The following MLXIP variants were observed in gnomAD, a reference collection of about 807,000 sequenced individuals.
The protein encoded by MLXIP is MLX interacting protein, also known as MLX-interacting protein.
MLXIP carries 30 observed loss-of-function variants against 87.2 expected under a neutral mutation model. The observed-to-expected ratio is 0.34, with a 90% CI of 0.26 to 0.47. The LOEUF (loss-of-function observed/expected upper bound fraction) is 0.47. MLXIP is among the 20% of genes least tolerant of loss of function. The pLI is 1.00. For missense variants in MLXIP, 1,002 were observed against 1,240.1 expected (o/e 0.81, Z 2.88); for synonymous variants, 530 against 514.0 (o/e 1.03, Z -0.42).
At chr12:122,082,477 T>C (rs887562202) in intron 1 of MLXIP, among the ~76,000 whole-genome samples, 16 of 152,160 alleles carry the variant, frequency 1.1e-4, no homozygotes, top group African/African-American at 3.9e-4. Context: ...CCTCTGGGAA[T>C]GGAGCTGGGA....
chr12:122,128,064 C>A, intron 3 of MLXIP, 96 bp downstream of exon 3: 2 of 1,112,090 alleles, frequency 1.8e-6, no homozygotes, highest in Non-Finnish European at 2.7e-6. Flanking sequence ...GAGAGGCTGC[C>A]GAGGGTAGTG....
chr12:122,083,314 T>G (rs1952118527), intron 1 of MLXIP, among the ~76,000 whole-genome samples: 1 of 152,184 alleles, frequency 6.6e-6, no homozygotes, highest in South Asian at 2.1e-4. Flanking sequence ...GTTTAAGAAG[T>G]GGGTGTTTGG....
intron 1 of MLXIP, among the ~76,000 whole-genome samples, chr12:122,098,366 C>T (rs898453651): frequency 3.9e-5 from 6 of 152,202 alleles, no homozygotes; most frequent in African/African-American, 1.4e-4. Context: ...CCCCGCTGAG[C>T]AACTCAGATT....
In MLXIP at chr12:122,135,105, G is replaced by A; in HGVS notation, c.1733-119G>A. On this transcript the variant is annotated intron_variant, in intron 9 of 16. Coordinates refer to ENST00000319080, the MANE Select transcript of MLXIP (RefSeq NM_014938.6). The surrounding 1 kb of genome is among the most constrained non-coding windows in gnomAD (Gnocchi z 5.3). ...TGGTTTTAGGTGCCTTGGTGGCTTT[G>A]TCTTCCTGTCCCCTGGGGTTGAGAA... The A allele has an allele frequency of 7.6e-7, 1 of 1,315,002 alleles. No homozygotes were observed. Among genetic ancestry groups the A allele is most frequent in the Non-Finnish European group, 1.1e-6 (1 of 937,848 alleles). 81.5% of individuals were successfully genotyped at this position (1,315,002 alleles called of 1,614,324 possible). A position where few individuals can be genotyped will look rare whatever the true frequency, so the allele number is the denominator to read the frequency against.
Position 122,135,745 on chromosome 12 carries a change from G to C in MLXIP, c.2032+79G>C. The C allele has an allele frequency of 3.5e-6, 5 of 1,418,992 alleles. No homozygotes were observed. Among genetic ancestry groups the C allele is most frequent in the African/African-American group, 1.4e-5 (1 of 69,214 alleles). The allele number at this position is 1,418,992 out of a possible 1,614,324, so 87.9% of individuals were successfully genotyped here. ...CTGCCGTAGACCATGGGGGGTGCTT[G>C]CTGGGTCCCCAGGACGGAGCCTGGG... On this transcript the variant is annotated intron_variant, in intron 11 of 16. Coordinates refer to ENST00000319080, the MANE Select transcript of MLXIP (RefSeq NM_014938.6). The surrounding 1 kb of genome is among the most constrained non-coding windows in gnomAD (Gnocchi z 5.3).
At chr12:122,089,868 T>C (rs1177095577) in intron 1 of MLXIP, among the ~76,000 whole-genome samples, 1 of 152,232 alleles carries the variant, frequency 6.6e-6, no homozygotes, top group Non-Finnish European at 1.5e-5. Flanking sequence ...AAGGCTCTTA[T>C]AGAATCAGCT....
intron 15 of MLXIP, among the ~76,000 whole-genome samples, chr12:122,139,406 C>T (rs1302092384): frequency 1.3e-5 from 2 of 152,216 alleles, no homozygotes; most frequent in African/African-American, 4.8e-5. Flanking sequence ...TCTAGGGGCT[C>T]TCGTGCCAAG....
chr12:122,097,497 G>A (rs1952372111), intron 1 of MLXIP, among the ~76,000 whole-genome samples: 1 of 151,914 alleles, frequency 6.6e-6, no homozygotes, highest in Non-Finnish European at 1.5e-5. Flanking sequence ...GCTCACACCT[G>A]TAGTCCCAGC....
At chr12:122,104,832 G>A (rs1159848172) in intron 1 of MLXIP, among the ~76,000 whole-genome samples, 1 of 151,912 alleles carries the variant, frequency 6.6e-6, no homozygotes, top group African/African-American at 2.4e-5. Flanking sequence ...TGCCCACCTC[G>A]GCGTCTCAAA....
Position 122,142,180 on chromosome 12 carries a change from C to T in MLXIP, c.*368C>T, listed in dbSNP as rs1458866138. ...AATCGATGGGATGAGGGTGACAGGG[C>T]CTGCTCCTGTCCTGAGGCCCAGCCT... On this transcript the variant is annotated 3_prime_UTR_variant, in exon 17 of 17. Coordinates refer to ENST00000319080, the MANE Select transcript of MLXIP (RefSeq NM_014938.6). 3 of 701,270 alleles carry T rather than the reference C, an allele frequency of 4.3e-6. No individual in the cohort carries two copies. Among genetic ancestry groups the T allele is most frequent in the East Asian group, 2.7e-5 (1 of 37,290 alleles). The allele number at this position is 701,270 out of a possible 1,614,324, so 43.4% of individuals were successfully genotyped here.
chr12:122,080,754 G>C (rs1468584882), intron 1 of MLXIP, among the ~76,000 whole-genome samples: 1 of 152,134 alleles, frequency 6.6e-6, no homozygotes, highest in Non-Finnish European at 1.5e-5. Flanking sequence ...GCAGCCCTGT[G>C]CGCCCTCCAG....
rs1326086074 is a variant in MLXIP at position 122,141,028 on chromosome 12, C to A, written c.2583C>A (p.His861Gln). The change falls in exon 16 of 17, where the codon CAC becomes CAA. Residue 861 changes from histidine to glutamine, a missense_variant. By Grantham distance (24) the His-to-Gln change is conservative (BLOSUM62 0). This residue lies in a region of MLXIP where 746 missense variants were observed against 897.0 expected (regional missense o/e 0.83). Transcript: ENST00000319080. Reference protein sequence around the residue: ...MVSTSSLEELHRTALSWLDQH... With the variant: ...MVSTSSLEELQRTALSWLDQH... ...CCACCAGCAGCCTGGAGGAGCTGCA[C>A]CGGACGGCGCTCTCCTGGCTGGACC... The A allele has an allele frequency of 1.2e-6, 2 of 1,613,832 alleles. No homozygotes were observed. Among genetic ancestry groups the A allele is most frequent in the Non-Finnish European group, 1.7e-6 (2 of 1,179,902 alleles).
At position 122,133,740 on chromosome 12, in the gene MLXIP, T is replaced by A. The variant is rs780039151; in HGVS notation, c.1485T>A (p.Asp495Glu). The A allele has an allele frequency of 6.2e-7, 1 of 1,613,386 alleles. No individual in the cohort carries two copies. Among genetic ancestry groups the A allele is most frequent in the African/African-American group, 1.3e-5 (1 of 74,914 alleles). ...THTASATLTH[D>E]APATTFSQSQ... ...CGGCCTCTGCCACCCTCACCCACGA[T>A]GCCCCCGCCACCACCTTTAGCCAGA... The change falls in exon 9 of 17, where the codon GAT becomes GAA. Residue 495 changes from aspartate (D) to glutamate (E), a missense_variant. Physicochemically the swap from Asp to Glu is conservative, Grantham distance 45. Coordinates refer to ENST00000319080, the MANE Select transcript of MLXIP (RefSeq NM_014938.6). This position sits in a 1 kb window ranked among gnomAD's most constrained non-coding sequence, Gnocchi z 4.9.
chr12:122,096,773 G>A (rs948650486), intron 1 of MLXIP, among the ~76,000 whole-genome samples: 2 of 152,152 alleles, frequency 1.3e-5, no homozygotes, highest in African/African-American at 2.4e-5. Flanking sequence ...GGCTGTGACC[G>A]CGGTGTCCCC....
At position 122,138,991 on chromosome 12, in the gene MLXIP, G is replaced by T. The variant is rs765855093; in HGVS notation, c.2508+53G>T. ...CCCGGCCCTCAGCCAATGCACTGAA[G>T]CCACAGACCGTGGCACTGTAGTTAC... On this transcript the variant is annotated intron_variant, in intron 15 of 16. Transcript: ENST00000319080. The T allele has an allele frequency of 1.9e-5, 30 of 1,606,304 alleles. No individual in the cohort carries two copies. The East Asian group carries it at 4.9e-4, about 26-fold the overall frequency.
chr12:122,093,902 G>C (rs1269043255), intron 1 of MLXIP, among the ~76,000 whole-genome samples: 1,891 of 141,482 alleles, frequency 0.013, 24 homozygotes, highest in Non-Finnish European at 0.021. Flanking sequence ...TGTGTGTGTG[G>C]TGTGTGTGTG....
intron 1 of MLXIP, among the ~76,000 whole-genome samples, chr12:122,086,463 A>G (rs1192936502): frequency 6.6e-6 from 1 of 152,166 alleles, no homozygotes; most frequent in African/African-American, 2.4e-5. Flanking sequence ...TATAATTTCT[A>G]TAATAGAAGT....
Position 122,129,588 on chromosome 12 carries a change from C to A in MLXIP, c.697C>A (p.Leu233Ile). Reference protein sequence around the residue: ...HKWRTYFKKRLQQHKDEDLSS... With the variant: ...HKWRTYFKKRIQQHKDEDLSS... Reference sequence around the variant, plus strand: ...CCGTGTCCTGTCCCTTTGCCCACAGCTACAGCAGCACAAGGATGAGGACCT... The same window carrying A: ...CCGTGTCCTGTCCCTTTGCCCACAGATACAGCAGCACAAGGATGAGGACCT... The change falls in exon 5 of 17, where the codon CTA becomes ATA. Residue 233 changes from leucine (L) to isoleucine (I), a missense_variant and splice_region_variant. This residue lies in a region of MLXIP where 127 missense variants were observed against 239.0 expected (regional missense o/e 0.53). Coordinates refer to ENST00000319080, the MANE Select transcript of MLXIP (RefSeq NM_014938.6). 1 of 1,613,674 alleles carries A rather than the reference C, an allele frequency of 6.2e-7. No individual in the cohort carries two copies. The highest frequency in any genetic ancestry group is 8.5e-7 in the Non-Finnish European group (1 of 1,179,810).
rs564856093 is a variant in MLXIP at position 122,078,789 on chromosome 12, C to T, written c.-65C>T. ...CGCGGGCCGGGCCGGGCCGGCGCCC[C>T]TCTGCCTCGCGCGCTTGTCGCGTTG... On this transcript the variant is annotated 5_prime_UTR_variant, in exon 1 of 17. Transcript: ENST00000319080. 117 of 1,026,024 alleles carry T rather than the reference C, an allele frequency of 1.1e-4. No homozygotes were observed. The highest frequency in any genetic ancestry group is 9.4e-4 in the Middle Eastern group (2 of 2,130). 63.6% of individuals were successfully genotyped at this position (1,026,024 alleles called of 1,614,324 possible).
Sources: gnomAD v4.1 joint callset for allele counts (sites outside exome capture counted in the v4.1 genomes callset) on GRCh38, gnomAD v4.1.1 for gene constraint, gnomAD v4.1.1 regional missense constraint, Gnocchi (gnomAD v3.1) non-coding constraint, MANE v1.5 for transcripts, NCBI Gene and HGNC (gene_info 2026-07-23, HGNC 2026-07-21) for gene names.